Variants in CD59 observed in about 807,000 individuals in gnomAD.
CD59 encodes CD59 molecule (CD59 blood group).
CD59 carries 3 observed loss-of-function variants against 7.0 expected under a neutral mutation model. The ratio of observed to expected loss-of-function variants is 0.43; its 90% confidence interval spans 0.19 to 1.10. CD59 has a LOEUF of 1.10. Among genes scored for constraint, CD59 ranks in the 50% least tolerant of loss-of-function variants. The pLI is 0.29. For missense variants in CD59, 143 were observed against 151.0 expected, an observed-to-expected ratio of 0.95 and a Z score of 0.28; for synonymous variants, 60 against 62.0, an observed-to-expected ratio of 0.97 and a Z score of 0.15.
chr11:33,732,791 C>T (rs781313583), intron 1 of CD59, among the ~76,000 whole-genome samples: 1 of 152,132 alleles, frequency 6.6e-6, no homozygotes, highest in African/African-American at 2.4e-5. Flanking sequence ...AGAATAATGC[C>T]TCTCTTCCCC....
intron 1 of CD59, chr11:33,722,791 G>C: frequency 2.0e-6 from 2 of 998,490 alleles, no homozygotes; most frequent in Non-Finnish European, 2.6e-6. Flanking sequence ...CCCACCCCAA[G>C]CTGCTGGCTG....
At chr11:33,713,181 T>G (rs1331995171) in intron 3 of CD59, among the ~76,000 whole-genome samples, 1 of 152,154 alleles carries the variant, frequency 6.6e-6, no homozygotes, top group Non-Finnish European at 1.5e-5. Context: ...AAAAGCATGT[T>G]AGGTGAAAAA....
chr11:33,712,097 T>C (rs908188625), intron 3 of CD59, among the ~76,000 whole-genome samples: 2 of 152,252 alleles, frequency 1.3e-5, no homozygotes, highest in Non-Finnish European at 2.9e-5. Context: ...TATGTTTCTA[T>C]TGAGTTTTTC....
rs144210572 is a variant in CD59 at position 33,705,868 on chromosome 11, G to A, written c.*4258C>T. On this transcript the variant is annotated 3_prime_UTR_variant, in exon 4 of 4. Coordinates refer to ENST00000642928, the MANE Select transcript of CD59 (RefSeq NM_000611.6). ...CACCAACACCAGCATCAATATTTTA[G>A]GTTGCCTAATTAATGTATCTGTAAA... The A allele has an allele frequency of 1.9e-4, 29 of 152,236 alleles. No homozygotes were observed. The highest frequency in any genetic ancestry group is 6.3e-4 in the African/African-American group (26 of 41,510). The allele number at this position is 152,236 out of a possible 1,614,324, so 9.4% of individuals were successfully genotyped here.
At chr11:33,733,874 GC>G (rs1360283140) in intron 1 of CD59, among the ~76,000 whole-genome samples, 1 of 152,210 alleles carries the variant, frequency 6.6e-6, no homozygotes, top group Non-Finnish European at 1.5e-5. Flanking sequence ...CCTCCTAGGA[GC>G]CTGAGGCCTT....
chr11:33,711,670 T>C (rs1378002475), intron 3 of CD59, among the ~76,000 whole-genome samples: 1 of 151,652 alleles, frequency 6.6e-6, no homozygotes, highest in African/African-American at 2.4e-5. Flanking sequence ...AAGCAAGACC[T>C]TGCCTCTTTA....
chr11:33,713,284 T>C (rs963932761), intron 3 of CD59, among the ~76,000 whole-genome samples: 4 of 152,200 alleles, frequency 2.6e-5, no homozygotes, highest in African/African-American at 9.6e-5. Flanking sequence ...AAGAAGGTAT[T>C]TGTCCTTGCC....
At chr11:33,724,364 T>G (rs1465702774) in intron 1 of CD59, among the ~76,000 whole-genome samples, 1 of 152,196 alleles carries the variant, frequency 6.6e-6, no homozygotes, top group Non-Finnish European at 1.5e-5. Flanking sequence ...AAGAACACAA[T>G]GAAAGGGTTC....
chr11:33,727,921 T>C (rs184666673), intron 1 of CD59, among the ~76,000 whole-genome samples: 479 of 152,260 alleles, frequency 3.1e-3, no homozygotes, highest in African/African-American at 0.011. Flanking sequence ...CCATTCACAA[T>C]TGCTATAAAA....
rs1427865701 is a variant in CD59 at position 33,706,768 on chromosome 11, T to A, written c.*3358A>T. 2 of 152,224 alleles carry A rather than the reference T, an allele frequency of 1.3e-5. No homozygotes were observed. The highest frequency in any genetic ancestry group is 2.9e-5 in the Non-Finnish European group (2 of 68,038). 9.4% of individuals were successfully genotyped at this position (152,224 alleles called of 1,614,324 possible). On this transcript the variant is annotated 3_prime_UTR_variant, in exon 4 of 4. Transcript: ENST00000642928. Reference sequence around the variant, plus strand: ...AAGGCCTAACTACGTCCTGTTCACCTCATGCTATTGGGTAACTTTCCAGTA... The same window carrying A: ...AAGGCCTAACTACGTCCTGTTCACCACATGCTATTGGGTAACTTTCCAGTA...
At chr11:33,724,280 C>G (rs72920512) in intron 1 of CD59, among the ~76,000 whole-genome samples, 1 of 152,242 alleles carries the variant, frequency 6.6e-6, no homozygotes, top group East Asian at 1.9e-4. Context: ...CACACTGCCA[C>G]AACACACAGG....
chr11:33,714,936 GTT>G (rs58642942), intron 3 of CD59, among the ~76,000 whole-genome samples: 6 of 131,918 alleles, frequency 4.5e-5, no homozygotes, highest in African/African-American at 1.4e-4. Flanking sequence ...TGCTGAGGCT[GTT>G]TTTTTTTTTT....
rs1468323344 is a variant in CD59, at chr11:33,736,088, C to T, written c.-19+294G>A. Among the ~76,000 whole-genome samples the T allele has an allele frequency of 1.3e-5, 2 of 152,110 alleles. No individual in the cohort carries two copies. The highest frequency in any genetic ancestry group is 2.9e-5 in the Non-Finnish European group (2 of 67,990). On this transcript the variant is annotated intron_variant, in intron 1 of 3. Coordinates refer to ENST00000642928, the MANE Select transcript of CD59 (RefSeq NM_000611.6). The surrounding 1 kb of genome is among the most constrained non-coding windows in gnomAD (Gnocchi z 4.4). ...GAAAGCGATGGCAGGGGCCCGGGTGCGAGGCTGCCCCCGAGGGAATGGGGG... is the reference window on the plus strand; with the variant it reads ...GAAAGCGATGGCAGGGGCCCGGGTGTGAGGCTGCCCCCGAGGGAATGGGGG...
At position 33,704,256 on chromosome 11, in the gene CD59, T is replaced by G. The variant is rs529415307; in HGVS notation, c.*5870A>C. The G allele has an allele frequency of 6.6e-6, 1 of 152,208 alleles. No individual in the cohort carries two copies. The highest frequency in any genetic ancestry group is 1.5e-5 in the Non-Finnish European group (1 of 68,060). 9.4% of individuals were successfully genotyped at this position (152,208 alleles called of 1,614,324 possible). A position where few individuals can be genotyped will look rare whatever the true frequency, so the allele number is the denominator to read the frequency against. On this transcript the variant is annotated 3_prime_UTR_variant, in exon 4 of 4. Coordinates refer to ENST00000642928, the MANE Select transcript of CD59 (RefSeq NM_000611.6). ...ATCACATCAGCTCTCTGAACCCCAA[T>G]TGTCTCTGATCTATAAAATGAAGAC...
rs935633020 is a variant in CD59, at chr11:33,722,983, T to C, written c.-18-520A>G. 12 of 1,029,652 alleles carry C rather than the reference T, an allele frequency of 1.2e-5. No homozygotes were observed. The Admixed American group carries it at 5.0e-4, about 43-fold the overall frequency. 63.8% of individuals were successfully genotyped at this position (1,029,652 alleles called of 1,614,324 possible). A position where few individuals can be genotyped will look rare whatever the true frequency, so the allele number is the denominator to read the frequency against. On this transcript the variant is annotated intron_variant, in intron 1 of 3. Coordinates refer to ENST00000642928, the MANE Select transcript of CD59 (RefSeq NM_000611.6). ...CACTTGCTTGCTCTCTTTGGGGACA[T>C]GAAGAGAGGTATTGAGCAACTTTGT... is the stretch of plus-strand genomic sequence containing the variant.
intron 1 of CD59, among the ~76,000 whole-genome samples, chr11:33,723,830 G>C (rs1258209485): frequency 6.6e-6 from 1 of 152,140 alleles, no homozygotes; most frequent in African/African-American, 2.4e-5. Context: ...AGCAGGGAGA[G>C]GAAGGTATTG....
intron 1 of CD59, among the ~76,000 whole-genome samples, chr11:33,728,400 G>C (rs1232503189): frequency 2.0e-5 from 3 of 152,130 alleles, no homozygotes; most frequent in Non-Finnish European, 4.4e-5. Flanking sequence ...TGACAAACCT[G>C]ACAAAAACAA....
chr11:33,717,036 G>C (rs1853827085), intron 3 of CD59, among the ~76,000 whole-genome samples: 1 of 152,188 alleles, frequency 6.6e-6, no homozygotes, highest in African/African-American at 2.4e-5. Context: ...CCAAGGTCTG[G>C]GAGGCAGCAC....
In CD59 at chr11:33,731,693, C is replaced by G. The variant is rs372536233; in HGVS notation, c.-19+4689G>C. Among the ~76,000 whole-genome samples the G allele has an allele frequency of 5.9e-5, 9 of 152,178 alleles. No homozygotes were observed. The East Asian group carries it at 9.6e-4, about 16-fold the overall frequency. On this transcript the variant is annotated intron_variant, in intron 1 of 3. Transcript: ENST00000642928. ...AAGAACCACTGGGTTAGAGGGTGACCTGGCATAAGGGCCAGGTTACTTTAG... is the reference window on the plus strand; with the variant it reads ...AAGAACCACTGGGTTAGAGGGTGACGTGGCATAAGGGCCAGGTTACTTTAG...
Sources: gnomAD v4.1 joint callset for allele counts (sites outside exome capture counted in the v4.1 genomes callset) on GRCh38, gnomAD v4.1.1 for gene constraint, Gnocchi (gnomAD v3.1) non-coding constraint, MANE v1.5 for transcripts, NCBI Gene and HGNC (gene_info 2026-07-23, HGNC 2026-07-21) for gene names.